The following SLC12A7 variants were observed in gnomAD, a reference collection of about 807,000 sequenced individuals.
The protein encoded by SLC12A7 is solute carrier family 12 member 7, also known as K-Cl cotransporter 4.
Under a neutral mutation model 120.6 loss-of-function variants are expected in SLC12A7, and 100 were observed. That is an observed-to-expected ratio of 0.83 (90% CI 0.71 to 0.98). The LOEUF (loss-of-function observed/expected upper bound fraction) is 0.98, where lower values mean the gene tolerates loss of function less well. Among genes scored for constraint, SLC12A7 ranks in the 50% least tolerant of loss-of-function variants. The probability of loss-of-function intolerance (pLI) is 0.00; values close to 1 mark genes in which losing one functional copy is unlikely to be tolerated. For synonymous variants in SLC12A7, 760 were observed against 678.0 expected (o/e 1.12, Z -1.88); for missense variants, 1,373 against 1,548.1 (o/e 0.89, Z 1.90).
At chr5:1,084,737 A>G (rs903227239) in intron 7 of SLC12A7, among the ~76,000 whole-genome samples, 20 of 152,124 alleles carry the variant, frequency 1.3e-4, no homozygotes, top group Non-Finnish European at 2.9e-4. Flanking sequence ...GGGAGCCTCA[A>G]GGGGCTTGGC....
intron 1 of SLC12A7, among the ~76,000 whole-genome samples, chr5:1,109,461 A>T (rs1023255515): frequency 6.6e-6 from 1 of 152,182 alleles, no homozygotes; most frequent in Non-Finnish European, 1.5e-5. Context: ...GGTATTTCAC[A>T]TAAGAATAAA....
chr5:1,147,875 G>A, the SLC12A7 span, among the ~76,000 whole-genome samples: 3 of 152,126 alleles, frequency 2.0e-5, no homozygotes, highest in African/African-American at 7.2e-5. Flanking sequence ...GGGACCGTGG[G>A]TGTGCACCAC....
chr5:1,155,077 C>A, the SLC12A7 span, among the ~76,000 whole-genome samples: 1 of 151,172 alleles, frequency 6.6e-6, no homozygotes, highest in East Asian at 1.9e-4. Context: ...CCTCTGCCTC[C>A]CCCCGCCCCC....
chr5:1,111,753 G>A, intron 1 of SLC12A7, 115 bp downstream of exon 1: 2 of 1,040,732 alleles, frequency 1.9e-6, no homozygotes, highest in East Asian at 3.9e-5. Context: ...GGGGGCGCGG[G>A]AAGGGGCGCC....
the SLC12A7 span, among the ~76,000 whole-genome samples, chr5:1,145,184 C>T: frequency 1.3e-5 from 2 of 152,242 alleles, no homozygotes; most frequent in Non-Finnish European, 2.9e-5. The surrounding 1 kb of genome is among the most constrained non-coding windows in gnomAD (Gnocchi z 4.4). Flanking sequence ...GGTGTGGGGT[C>T]TCTGGAGACA....
rs752365281 is a variant in SLC12A7 at position 1,076,815 on chromosome 5, G to T, written c.1630-3C>A. The T allele has an allele frequency of 4.4e-6, 7 of 1,597,948 alleles. No homozygotes were observed. The Admixed American group carries it at 5.0e-5, about 11-fold the overall frequency. Reference sequence around the variant, plus strand: ...TTGGCCTTCCCGTGGCCAAACACCTGCAGGGAGAAGGGCAGGAAGATGGGG... The same window carrying T: ...TTGGCCTTCCCGTGGCCAAACACCTTCAGGGAGAAGGGCAGGAAGATGGGG... On this transcript the variant is annotated splice_region_variant and splice_polypyrimidine_tract_variant and intron_variant, in intron 12 of 23. Coordinates refer to ENST00000264930, the MANE Select transcript of SLC12A7 (RefSeq NM_006598.3).
intron 1 of SLC12A7, among the ~76,000 whole-genome samples, chr5:1,096,693 AAGGG>A (rs1561097566): frequency 9.1e-5 from 6 of 65,852 alleles, no homozygotes; most frequent in African/African-American, 3.5e-4. Context: ...GGGAGGGGGG[AAGGG>A]AGGGAAGGAA....
rs1190824176 is a variant in SLC12A7 at position 1,050,575 on chromosome 5, C to T, written c.*1785G>A. The stretch of plus-strand genomic sequence containing the variant: ...GAGCTGAGCCCTCAGGAGGTGGTTT[C>T]GTGTGCAGAACTGAGCGGCCCTCAG... On this transcript the variant is annotated 3_prime_UTR_variant, in exon 24 of 24. Transcript: ENST00000264930. 1.2e-5 allele frequency: 4 copies of T among 321,358 alleles called. No individual in the cohort carries two copies. Among genetic ancestry groups the T allele is most frequent in the East Asian group, 4.8e-5 (1 of 20,922 alleles). The allele number at this position is 321,358 out of a possible 1,614,324, so 19.9% of individuals were successfully genotyped here. A position where few individuals can be genotyped will look rare whatever the true frequency, so the allele number is the denominator to read the frequency against.
chr5:1,078,100 G>A (rs1738581257), intron 11 of SLC12A7, 93 bp from the exon 12 acceptor site: 6 of 1,403,244 alleles, frequency 4.3e-6, no homozygotes, highest in Non-Finnish European at 4.7e-6. Flanking sequence ...GGGGCCCAGT[G>A]CAGTGGGGGC....
intron 1 of SLC12A7, among the ~76,000 whole-genome samples, chr5:1,109,477 C>G (rs4639275): frequency 0.74 from 112,992 of 152,184 alleles, 42,743 homozygotes; most frequent in African/African-American, 0.89. Context: ...ATAAAAGCTC[C>G]GTCCCAAGAA....
the SLC12A7 span, among the ~76,000 whole-genome samples, chr5:1,133,706 CTA>C: frequency 2.6e-5 from 4 of 152,310 alleles, no homozygotes; most frequent in Admixed American, 6.5e-5. Flanking sequence ...AGAACTTCCT[CTA>C]TGTGTGGAGT....
At chr5:1,091,177 T>G (rs1740456538) in intron 3 of SLC12A7, among the ~76,000 whole-genome samples, 2 of 151,960 alleles carry the variant, frequency 1.3e-5, no homozygotes, top group South Asian at 4.1e-4. Flanking sequence ...AGCCTGGGGG[T>G]AGGGTTGCCA....
At position 1,078,748 on chromosome 5, in the gene SLC12A7, G is replaced by A; in HGVS notation, c.1407C>T (p.Cys469=). Residue 469 remains cysteine, a synonymous_variant, in exon 11 of 24, where the codon TGC becomes TGT. Coordinates refer to ENST00000264930, the MANE Select transcript of SLC12A7 (RefSeq NM_006598.3). Reference sequence around the variant, plus strand: ...CAATGCAGGCCCCAAACAGCACAATGCAGGAGAGATCCACAGCCCTCGTCA... The same window carrying A: ...CAATGCAGGCCCCAAACAGCACAATACAGGAGAGATCCACAGCCCTCGTCA... ...IVTTSFIYLS[C]IVLFGACIEG... 2 of 1,610,612 alleles carry A rather than the reference G, an allele frequency of 1.2e-6. No homozygotes were observed. The highest frequency in any genetic ancestry group is 8.5e-7 in the Non-Finnish European group (1 of 1,179,198).
At chr5:1,096,638 C>G (rs1289318114) in intron 1 of SLC12A7, among the ~76,000 whole-genome samples, 1 of 143,408 alleles carries the variant, frequency 7.0e-6, no homozygotes, top group African/African-American at 2.7e-5. Context: ...GGACCAGGAG[C>G]CTGGTGCAGC....
At chr5:1,112,756 AG>A (rs113950892), upstream of SLC12A7, among the ~76,000 whole-genome samples, 4 of 143,146 alleles carry the variant, frequency 2.8e-5, no homozygotes, top group African/African-American at 1.0e-4. Flanking sequence ...GCTCCTGGCT[AG>A]CCCAACCTGG....
chr5:1,139,996 G>A, the SLC12A7 span, among the ~76,000 whole-genome samples: 2 of 152,212 alleles, frequency 1.3e-5, no homozygotes, highest in East Asian at 1.9e-4. Context: ...CATGCTGGAA[G>A]GTGTCAGGAC....
chr5:1,088,360 T>C lies in SLC12A7; in HGVS notation c.490A>G (p.Thr164Ala). ...CTCATGGAAATGGCGGTCAGCATTGTCTGCAAAAAGACAGGCAGCCATCTG... is the reference window on the plus strand; with the variant it reads ...CTCATGGAAATGGCGGTCAGCATTGCCTGCAAAAAGACAGGCAGCCATCTG... ...FLIVAMCCTC[T>A]MLTAISMSAI... Residue 164 changes from threonine (T) to alanine (A), a missense_variant and splice_region_variant, in exon 5 of 24, where the codon ACA becomes GCA. Transcript: ENST00000264930. 1 of 1,578,460 alleles carries C rather than the reference T, an allele frequency of 6.3e-7. No individual in the cohort carries two copies. Among genetic ancestry groups the C allele is most frequent in the Non-Finnish European group, 8.6e-7 (1 of 1,162,136 alleles).
chr5:1,053,022 C>T (rs908733220), intron 23 of SLC12A7, among the ~76,000 whole-genome samples: 7 of 152,238 alleles, frequency 4.6e-5, no homozygotes, highest in East Asian at 3.9e-4. Context: ...TGAGCCCCAG[C>T]GGAGGTCCCA....
chr5:1,099,492 C>G (rs571290447), intron 1 of SLC12A7, among the ~76,000 whole-genome samples: 2 of 142,980 alleles, frequency 1.4e-5, no homozygotes, highest in East Asian at 3.9e-4. Flanking sequence ...CAGTCCACCT[C>G]CTCCGGGGGA....
Sources: allele counts gnomAD v4.1 joint callset (sites outside exome capture counted in the v4.1 genomes callset), GRCh38; gene constraint gnomAD v4.1.1; non-coding constraint Gnocchi (gnomAD v3.1); transcripts MANE v1.5; gene names NCBI Gene and HGNC (gene_info 2026-07-23, HGNC 2026-07-21).